PLXDC2: variants seen among roughly 807,000 people sequenced by gnomAD.
The protein encoded by PLXDC2 is plexin domain containing 2.
Under a neutral mutation model 68.9 loss-of-function variants are expected in PLXDC2, and 40 were observed. The observed-to-expected ratio is 0.58, with a 90% CI of 0.45 to 0.76. The LOEUF is 0.76. PLXDC2 is among the 30% of genes least tolerant of loss of function. The pLI, the probability that PLXDC2 is intolerant of heterozygous loss-of-function variation, is 0.00. For missense variants in PLXDC2, 644 were observed against 661.9 expected (o/e 0.97, Z 0.30); for synonymous variants, 243 against 234.2 (o/e 1.04, Z -0.34).
At chr10:20,150,136 C>T (rs1834133623) in intron 6 of PLXDC2, among the ~76,000 whole-genome samples, 1 of 152,024 alleles carries the variant, frequency 6.6e-6, no homozygotes, top group Admixed American at 6.6e-5. Context: ...TTAGAGTTCC[C>T]TCTTGATGCT....
At chr10:19,936,068 G>A (rs1833718122) in intron 1 of PLXDC2, among the ~76,000 whole-genome samples, 1 of 152,190 alleles carries the variant, frequency 6.6e-6, no homozygotes, top group Admixed American at 6.5e-5. Context: ...CTCATGGGGT[G>A]TCTTGATTTC....
chr10:20,263,555 A>G (rs916428405), intron 13 of PLXDC2, among the ~76,000 whole-genome samples: 4 of 152,200 alleles, frequency 2.6e-5, no homozygotes, highest in Admixed American at 6.5e-5. Context: ...GGAACTGTCA[A>G]CAAAGTAAAC....
Position 19,878,311 on chromosome 10 carries a change from C to G in PLXDC2, c.112+61120C>G, listed in dbSNP as rs545564752. ...CAAACTCCTGGGCCCAAGTGATCCT[C>G]CTGTCTCAGCCTCCTAAGTATCTGA... On this transcript the variant is annotated intron_variant, in intron 1 of 13. Coordinates refer to ENST00000377252, the MANE Select transcript of PLXDC2 (RefSeq NM_032812.9). Among the ~76,000 whole-genome samples, 6 of 151,968 alleles carry G rather than the reference C, an allele frequency of 3.9e-5. No individual in the cohort carries two copies. In the South Asian group the frequency reaches 1.2e-3, roughly 32 times the overall value.
intron 7 of PLXDC2, among the ~76,000 whole-genome samples, chr10:20,164,917 A>G (rs1564339043): frequency 1.3e-5 from 2 of 152,196 alleles, no homozygotes; most frequent in South Asian, 2.1e-4. Flanking sequence ...CCAGGCTCAA[A>G]TGATCCTCCT....
At chr10:19,853,181 T>C (rs1837153126) in intron 1 of PLXDC2, among the ~76,000 whole-genome samples, 1 of 152,126 alleles carries the variant, frequency 6.6e-6, no homozygotes, top group South Asian at 2.1e-4. Flanking sequence ...TATCTGAAAC[T>C]GTAGGACTTA....
At chr10:20,178,765 A>G (rs1246298149) in intron 9 of PLXDC2, among the ~76,000 whole-genome samples, 1 of 152,144 alleles carries the variant, frequency 6.6e-6, no homozygotes, top group Admixed American at 6.6e-5. Context: ...CTGCAGTATT[A>G]TGGCTAGAAC....
At chr10:19,940,393 T>C (rs1833798780) in intron 1 of PLXDC2, among the ~76,000 whole-genome samples, 1 of 152,156 alleles carries the variant, frequency 6.6e-6, no homozygotes, top group South Asian at 2.1e-4. Context: ...ACCTTTAAAA[T>C]AAATCTGAAT....
intron 1 of PLXDC2, among the ~76,000 whole-genome samples, chr10:19,943,514 T>A (rs1833852216): frequency 5.3e-5 from 8 of 152,234 alleles, no homozygotes. Flanking sequence ...CTTTAGCACA[T>A]AAGCATAACC....
At chr10:20,185,033 C>A (rs1834662528) in intron 9 of PLXDC2, among the ~76,000 whole-genome samples, 1 of 151,664 alleles carries the variant, frequency 6.6e-6, no homozygotes, top group African/African-American at 2.4e-5. Context: ...AGCATTAGGA[C>A]AAATACCTAA....
intron 6 of PLXDC2, among the ~76,000 whole-genome samples, chr10:20,157,708 G>A (rs562898137): frequency 6.6e-6 from 1 of 152,236 alleles, no homozygotes; most frequent in East Asian, 1.9e-4. Context: ...TTGATTTTGT[G>A]TAGCAATTGC....
At chr10:20,090,468 A>T (rs1208818637) in intron 4 of PLXDC2, among the ~76,000 whole-genome samples, 1 of 151,798 alleles carries the variant, frequency 6.6e-6, no homozygotes, top group Non-Finnish European at 1.5e-5. Flanking sequence ...GAGTTTTTTT[A>T]CCCCCATGCC....
In PLXDC2 at chr10:19,904,019, A is replaced by G. The variant is rs569920000; in HGVS notation, c.112+86828A>G. Among the ~76,000 whole-genome samples, 280 of 152,146 alleles carry G rather than the reference A, an allele frequency of 1.8e-3. 1 individual carries two copies. The highest frequency in any genetic ancestry group is 3.4e-3 in the Middle Eastern group (1 of 294). ...AGGGTTCCTTTTGGAGATGATTTCC[A>G]ATTTTATTCCACTACGATCTGGGAG... On this transcript the variant is annotated intron_variant, in intron 1 of 13. Transcript: ENST00000377252.
At chr10:20,277,979 A>T (rs746410332) in intron 13 of PLXDC2, among the ~76,000 whole-genome samples, 2 of 152,186 alleles carry the variant, frequency 1.3e-5, no homozygotes, top group African/African-American at 4.8e-5. Context: ...TTCACTTAAG[A>T]TAATGATCTC....
Position 20,075,593 on chromosome 10 carries a change from G to A in PLXDC2, c.541+7354G>A, listed in dbSNP as rs190851826. Reference sequence around the variant, plus strand: ...CATTAGCACTGGCTCCTTGTGGCAGGGGTGGGAAGCATAATTGGAAATTAA... The same window carrying A: ...CATTAGCACTGGCTCCTTGTGGCAGAGGTGGGAAGCATAATTGGAAATTAA... On this transcript the variant is annotated intron_variant, in intron 4 of 13. Transcript: ENST00000377252. Among the ~76,000 whole-genome samples the A allele has an allele frequency of 2.6e-5, 4 of 152,126 alleles. No individual in the cohort carries two copies. The East Asian group carries it at 5.8e-4, about 22-fold the overall frequency.
intron 1 of PLXDC2, among the ~76,000 whole-genome samples, chr10:19,915,631 A>C (rs374702004): frequency 3.8e-4 from 58 of 152,152 alleles, no homozygotes; most frequent in African/African-American, 1.3e-3. Flanking sequence ...ACTTCCTTTA[A>C]CAGTTCTTTT....
chr10:20,256,971 T>G (rs1452945493), intron 13 of PLXDC2, among the ~76,000 whole-genome samples: 1 of 152,190 alleles, frequency 6.6e-6, no homozygotes, highest in Admixed American at 6.5e-5. Flanking sequence ...CCCATACTTT[T>G]AGAGGATCGT....
chr10:20,062,175 C>T lies in PLXDC2; in HGVS notation c.472-5995C>T, dbSNP rs192509336. Among the ~76,000 whole-genome samples the T allele has an allele frequency of 2.8e-3, 423 of 152,300 alleles. 2 individuals are homozygous for T. The highest frequency in any genetic ancestry group is 3.6e-3 in the Non-Finnish European group (247 of 68,030). Reference sequence around the variant, plus strand: ...GCACGGTGGCTCACGCCTGTAATCCCAGCACTTTGGGAGGCCGAGGTGGGC... The same window carrying T: ...GCACGGTGGCTCACGCCTGTAATCCTAGCACTTTGGGAGGCCGAGGTGGGC... On this transcript the variant is annotated intron_variant, in intron 3 of 13. Transcript: ENST00000377252.
intron 9 of PLXDC2, among the ~76,000 whole-genome samples, chr10:20,186,751 T>G (rs1297838118): frequency 7.0e-6 from 1 of 143,264 alleles, no homozygotes; most frequent in East Asian, 2.0e-4. Context: ...GATCTTCTTC[T>G]TTTTTTATGG....
At chr10:19,832,426 A>G (rs905737558) in intron 1 of PLXDC2, among the ~76,000 whole-genome samples, 6 of 152,242 alleles carry the variant, frequency 3.9e-5, no homozygotes, top group South Asian at 4.1e-4. Flanking sequence ...GGTTAATTGA[A>G]AACCTAGCCA....
Sources: gnomAD v4.1 joint callset for allele counts (sites outside exome capture counted in the v4.1 genomes callset) on GRCh38, gnomAD v4.1.1 for gene constraint, MANE v1.5 for transcripts, NCBI Gene and HGNC (gene_info 2026-07-23, HGNC 2026-07-21) for gene names.